The following CALD1 variants were observed in gnomAD, a reference collection of about 807,000 sequenced individuals.
The protein encoded by CALD1 is caldesmon.
Under a neutral mutation model 99.9 loss-of-function variants are expected in CALD1, and 33 were observed. That is an observed-to-expected ratio of 0.33 (90% CI 0.25 to 0.44). The LOEUF is 0.44. CALD1 is among the 20% of genes least tolerant of loss of function. The pLI is 1.00. For missense variants in CALD1, 861 were observed against 962.1 expected (o/e 0.89, Z 1.39); for synonymous variants, 310 against 325.0 (o/e 0.95, Z 0.50).
chr7:134,754,814 A>C (rs530316619), intron 1 of CALD1, among the ~76,000 whole-genome samples: 1 of 152,196 alleles, frequency 6.6e-6, no homozygotes, highest in African/African-American at 2.4e-5. Flanking sequence ...GTATAAATAC[A>C]ATGTATAGCT....
rs1798427291 is a variant in CALD1, at chr7:134,813,316, A to T, written c.-129-30568A>T. 2.1e-5 allele frequency among the ~76,000 whole-genome samples: 3 copies of T among 145,848 alleles called. No homozygotes were observed. In the South Asian group the frequency reaches 6.9e-4, roughly 34 times the overall value. Reference sequence around the variant, plus strand: ...GGAGAGTTGTATGGGTTTAATGAAGATTTCTTTTTTTCTTTTAGCTTAAGA... The same window carrying T: ...GGAGAGTTGTATGGGTTTAATGAAGTTTTCTTTTTTTCTTTTAGCTTAAGA... On this transcript the variant is annotated intron_variant, in intron 1 of 14. Transcript: ENST00000361675.
chr7:134,848,820 G>GT (rs1482945058), intron 2 of CALD1, among the ~76,000 whole-genome samples: 1 of 152,136 alleles, frequency 6.6e-6, no homozygotes, highest in East Asian at 1.9e-4. Context: ...TTGGCTAATG[G>GT]TTTATAAATT....
At chr7:134,911,198 CTTTT>C (rs964515625) in intron 3 of CALD1, among the ~76,000 whole-genome samples, 103 of 118,118 alleles carry the variant, frequency 8.7e-4, no homozygotes, top group African/African-American at 2.9e-3. Flanking sequence ...TTTCCTTTTT[CTTTT>C]TTTTTTTTTT....
At chr7:134,782,884 G>A (rs1223515867) in intron 1 of CALD1, among the ~76,000 whole-genome samples, 1 of 152,188 alleles carries the variant, frequency 6.6e-6, no homozygotes, top group Non-Finnish European at 1.5e-5. Flanking sequence ...GCCGTGTCCA[G>A]TGAATACTGG....
intron 9 of CALD1, 87 bp from the exon 10 acceptor site, chr7:134,957,982 G>A: frequency 1.0e-6 from 1 of 983,914 alleles, no homozygotes; most frequent in Non-Finnish European, 1.6e-6. Context: ...TGTTTAACAG[G>A]TTCAGGGATG....
At chr7:134,790,045 A>G (rs1194278630) in intron 1 of CALD1, among the ~76,000 whole-genome samples, 1 of 150,742 alleles carries the variant, frequency 6.6e-6, no homozygotes, top group African/African-American at 2.5e-5. Flanking sequence ...AGGGAGTAAG[A>G]AAAGAGGGAG....
chr7:134,809,748 C>T (rs1798284953), intron 1 of CALD1: 1 of 152,120 alleles, frequency 6.6e-6, no homozygotes, highest in Non-Finnish European at 1.5e-5. Context: ...GATTAAAATT[C>T]CCTCAAATCA....
At chr7:134,831,227 T>C (rs1251356515) in intron 1 of CALD1, among the ~76,000 whole-genome samples, 1 of 152,090 alleles carries the variant, frequency 6.6e-6, no homozygotes, top group African/African-American at 2.4e-5. Context: ...TTACCTTTGT[T>C]GAAAAAAAAG....
intron 2 of CALD1, among the ~76,000 whole-genome samples, chr7:134,853,648 A>T (rs1438516970): frequency 6.6e-5 from 10 of 152,240 alleles, no homozygotes; most frequent in Non-Finnish European, 7.3e-5. Flanking sequence ...CACATCTTAT[A>T]TGCTACACTA....
chr7:134,873,808 G>A (rs184187483), intron 3 of CALD1, among the ~76,000 whole-genome samples: 1 of 152,166 alleles, frequency 6.6e-6, no homozygotes, highest in Admixed American at 6.5e-5. Flanking sequence ...CACCTCACTG[G>A]GTTTTTGTGG....
intron 1 of CALD1, among the ~76,000 whole-genome samples, chr7:134,795,833 G>A (rs573680536): frequency 1.3e-5 from 2 of 152,208 alleles, no homozygotes; most frequent in South Asian, 2.1e-4. Flanking sequence ...GGGAAGATGC[G>A]ACGGTGGAAT....
rs1368355917 is a variant in CALD1, at chr7:134,947,760, C to T, written c.1785C>T (p.Leu595=). ...RRKQEEADRK[L]REEEEKRRLK... ...AGCAGGAGGAAGCCGATCGAAAACTCAGAGAGGAGGTAAGGCGGGCGCTAG... is the reference window on the plus strand; with the variant it reads ...AGCAGGAGGAAGCCGATCGAAAACTTAGAGAGGAGGTAAGGCGGGCGCTAG... Residue 595 remains leucine, a synonymous_variant, in exon 8 of 15, where the codon CTC becomes CTT. Transcript: ENST00000361675. 1 of 1,613,758 alleles carries T rather than the reference C, an allele frequency of 6.2e-7. No homozygotes were observed. The highest frequency in any genetic ancestry group is 1.1e-5 in the South Asian group (1 of 91,050).
intron 1 of CALD1, among the ~76,000 whole-genome samples, chr7:134,800,695 C>G (rs1797910996): frequency 6.6e-6 from 1 of 151,846 alleles, no homozygotes; most frequent in Non-Finnish European, 1.5e-5. Context: ...TGAGATAAAT[C>G]CATTATATTT....
intron 2 of CALD1, among the ~76,000 whole-genome samples, chr7:134,853,654 C>A (rs1800171685): frequency 6.6e-6 from 1 of 152,204 alleles, no homozygotes; most frequent in Admixed American, 6.5e-5. Flanking sequence ...TTATATGCTA[C>A]ACTAAGCAAG....
the CALD1 span, among the ~76,000 whole-genome samples, chr7:134,728,173 G>GT: frequency 1.5e-5 from 1 of 64,732 alleles, no homozygotes; most frequent in African/African-American, 7.0e-5. Context: ...AGCCTATTTG[G>GT]CCTGACCAAC....
chr7:134,930,500 C>T (rs1355228653), intron 4 of CALD1, among the ~76,000 whole-genome samples: 1 of 152,168 alleles, frequency 6.6e-6, no homozygotes, highest in African/African-American at 2.4e-5. Flanking sequence ...TCCTGGCCTC[C>T]TTAACCCAAG....
At chr7:134,900,089 CA>C (rs1802882716) in intron 3 of CALD1, 1 of 152,162 alleles carries the variant, frequency 6.6e-6, no homozygotes, top group African/African-American at 2.4e-5. Context: ...AAACTATATT[CA>C]CTCCAAAGAG....
chr7:134,714,600 A>G, the CALD1 span, among the ~76,000 whole-genome samples: 2 of 152,262 alleles, frequency 1.3e-5, no homozygotes, highest in Admixed American at 1.3e-4. Context: ...TTATTGAAGC[A>G]GCAGTGTCAC....
chr7:134,915,374 A>T (rs1405006159), intron 3 of CALD1, among the ~76,000 whole-genome samples: 1 of 152,114 alleles, frequency 6.6e-6, no homozygotes, highest in African/African-American at 2.4e-5. Context: ...CAGAAATATG[A>T]ACTTTTTTTT....
Sources: gnomAD v4.1 joint callset for allele counts (sites outside exome capture counted in the v4.1 genomes callset) on GRCh38, gnomAD v4.1.1 for gene constraint, MANE v1.5 for transcripts, NCBI Gene and HGNC (gene_info 2026-07-23, HGNC 2026-07-21) for gene names.